NKAIN2: variants seen among roughly 807,000 people sequenced by gnomAD.
NKAIN2 encodes the protein sodium/potassium-transporting ATPase subunit beta-1-interacting protein 2.
NKAIN2 carries 14 observed loss-of-function variants against 32.6 expected under a neutral mutation model. The observed-to-expected ratio is 0.43, with a 90% CI of 0.28 to 0.67. NKAIN2 has a LOEUF of 0.67. NKAIN2 is among the 30% of genes least tolerant of loss of function. The probability of loss-of-function intolerance (pLI) is 0.17; values close to 1 mark genes in which losing one functional copy is unlikely to be tolerated. For missense variants in NKAIN2, 198 were observed against 258.3 expected, an observed-to-expected ratio of 0.77 and a Z score of 1.60; for synonymous variants, 80 against 87.2, an observed-to-expected ratio of 0.92 and a Z score of 0.46.
intron 1 of NKAIN2, among the ~76,000 whole-genome samples, chr6:124,112,804 A>G (rs934748783): frequency 6.7e-6 from 1 of 150,366 alleles, no homozygotes. Flanking sequence ...AGTGACTTCT[A>G]TTCCAGTTCG....
At chr6:124,215,408 C>G (rs977226972) in intron 1 of NKAIN2, among the ~76,000 whole-genome samples, 6 of 152,134 alleles carry the variant, frequency 3.9e-5, no homozygotes, top group African/African-American at 1.4e-4. Context: ...AAAGGACTCT[C>G]CAATATGATG....
intron 1 of NKAIN2, among the ~76,000 whole-genome samples, chr6:123,944,879 G>T (rs1776994477): frequency 6.6e-6 from 1 of 151,966 alleles, no homozygotes; most frequent in Non-Finnish European, 1.5e-5. Context: ...CTTACCCTGT[G>T]GGGGATTGAT....
chr6:123,975,586 G>A (rs1332393776), intron 1 of NKAIN2, among the ~76,000 whole-genome samples: 1 of 152,108 alleles, frequency 6.6e-6, no homozygotes, highest in Non-Finnish European at 1.5e-5. Flanking sequence ...CAACAAAAAT[G>A]TATTCCTTAC....
intron 2 of NKAIN2, among the ~76,000 whole-genome samples, chr6:124,347,373 T>C (rs552538923): frequency 4.1e-4 from 62 of 152,182 alleles, no homozygotes; most frequent in African/African-American, 1.3e-3. Flanking sequence ...TGAATCTGAA[T>C]GTTGGCCTGC....
intron 1 of NKAIN2, among the ~76,000 whole-genome samples, chr6:124,160,352 A>G (rs1788207596): frequency 6.6e-6 from 1 of 152,150 alleles, no homozygotes; most frequent in Non-Finnish European, 1.5e-5. Flanking sequence ...CAGGCTGTCA[A>G]GAGGGTCCAA....
chr6:123,930,683 G>A (rs1202104374), intron 1 of NKAIN2, among the ~76,000 whole-genome samples: 1 of 152,132 alleles, frequency 6.6e-6, no homozygotes, highest in Non-Finnish European at 1.5e-5. Flanking sequence ...ATCTTCCCCT[G>A]ATATGTTTTT....
chr6:124,339,014 C>T (rs1797998146), intron 2 of NKAIN2, among the ~76,000 whole-genome samples: 1 of 152,158 alleles, frequency 6.6e-6, no homozygotes, highest in Non-Finnish European at 1.5e-5. Context: ...TCATTACAAA[C>T]TTGGTGGTTT....
At chr6:124,802,492 T>A (rs1432760156) in intron 5 of NKAIN2, among the ~76,000 whole-genome samples, 4 of 152,206 alleles carry the variant, frequency 2.6e-5, no homozygotes, top group African/African-American at 7.2e-5. Flanking sequence ...TAAGATGAAG[T>A]TGGCTTAGTT....
intron 1 of NKAIN2, among the ~76,000 whole-genome samples, chr6:123,840,951 C>G (rs1195902446): frequency 6.6e-6 from 1 of 152,068 alleles, no homozygotes; most frequent in Non-Finnish European, 1.5e-5. Context: ...TTGAGGCCAT[C>G]AAAATTATTA....
intron 3 of NKAIN2, among the ~76,000 whole-genome samples, chr6:124,571,752 T>G (rs1392083764): frequency 6.6e-6 from 1 of 152,138 alleles, no homozygotes; most frequent in Non-Finnish European, 1.5e-5. Flanking sequence ...GCTCTAGAGA[T>G]TTCCATCAAC....
intron 3 of NKAIN2, among the ~76,000 whole-genome samples, chr6:124,479,524 G>C (rs538585996): frequency 1.1e-4 from 16 of 152,282 alleles, no homozygotes; most frequent in Non-Finnish European, 2.2e-4. Flanking sequence ...ATGGTAATGG[G>C]ATGGGAAGGA....
chr6:124,467,092 C>T (rs1776789681), intron 3 of NKAIN2, among the ~76,000 whole-genome samples: 1 of 152,034 alleles, frequency 6.6e-6, no homozygotes, highest in Non-Finnish European at 1.5e-5. Flanking sequence ...ACTATTATAA[C>T]AGCAATACTT....
At chr6:124,662,513 G>A (rs1324314803) in intron 4 of NKAIN2, among the ~76,000 whole-genome samples, 1 of 152,158 alleles carries the variant, frequency 6.6e-6, no homozygotes, top group Non-Finnish European at 1.5e-5. Context: ...TTTGTAGAGT[G>A]CATGAAATGG....
At chr6:124,817,937 T>C (rs1781237695) in intron 5 of NKAIN2, among the ~76,000 whole-genome samples, 1 of 152,186 alleles carries the variant, frequency 6.6e-6, no homozygotes, top group Admixed American at 6.5e-5. Flanking sequence ...AACCATAACA[T>C]GTAATATTAT....
At chr6:124,158,303 T>A (rs1240406398) in intron 1 of NKAIN2, among the ~76,000 whole-genome samples, 1 of 152,132 alleles carries the variant, frequency 6.6e-6, no homozygotes, top group Admixed American at 6.6e-5. Context: ...AGGACCCACC[T>A]TAGTGTCCTC....
chr6:124,008,705 T>A (rs1001453666), intron 1 of NKAIN2, among the ~76,000 whole-genome samples: 2 of 152,166 alleles, frequency 1.3e-5, no homozygotes, highest in Non-Finnish European at 2.9e-5. Flanking sequence ...AGAATATGGG[T>A]CAAGCTTTAA....
chr6:124,279,441 A>G (rs1007323880), intron 1 of NKAIN2, among the ~76,000 whole-genome samples: 3 of 149,476 alleles, frequency 2.0e-5, no homozygotes, highest in African/African-American at 7.4e-5. Context: ...TGGGAGGCAG[A>G]GCTTGCAGTG....
chr6:124,376,877 G>A (rs1348848128), intron 3 of NKAIN2, among the ~76,000 whole-genome samples: 5 of 151,972 alleles, frequency 3.3e-5, no homozygotes, highest in African/African-American at 7.3e-5. Flanking sequence ...AAAAAAAGAC[G>A]TTTCCTTTAA....
chr6:124,687,078 G>A (rs1400928858), intron 4 of NKAIN2, among the ~76,000 whole-genome samples: 1 of 151,644 alleles, frequency 6.6e-6, no homozygotes, highest in East Asian at 1.9e-4. Context: ...CAAGCATGCA[G>A]ACAGCCTATT....
Sources: gnomAD v4.1 joint callset for allele counts (sites outside exome capture counted in the v4.1 genomes callset) on GRCh38, gnomAD v4.1.1 for gene constraint, MANE v1.5 for transcripts, NCBI Gene and HGNC (gene_info 2026-07-23, HGNC 2026-07-21) for gene names.